The following NREP variants were observed in gnomAD, a reference collection of about 807,000 sequenced individuals.
NREP encodes neuronal regeneration related protein.
A neutral mutation model predicts 8.6 loss-of-function variants in NREP; 5 were observed. The observed-to-expected ratio is 0.58, with a 90% CI of 0.30 to 1.22. NREP has a LOEUF of 1.22. Among genes scored for constraint, NREP ranks in the 50% most tolerant of loss-of-function variants. NREP has a pLI of 0.07. For synonymous variants in NREP, 27 were observed against 28.0 expected (o/e 0.96, Z 0.11); for missense variants, 86 against 82.5 (o/e 1.04, Z -0.17).
chr5:111,770,724 C>T (rs73223658), intron 2 of NREP, among the ~76,000 whole-genome samples: 6,263 of 151,846 alleles, frequency 0.041, 400 homozygotes, highest in African/African-American at 0.14. Context: ...TGCGCGCCAC[C>T]ATGCCCAGCT....
intron 2 of NREP, among the ~76,000 whole-genome samples, chr5:111,747,224 G>T (rs1475636928): frequency 6.6e-6 from 1 of 152,160 alleles, no homozygotes; most frequent in Non-Finnish European, 1.5e-5. Flanking sequence ...TCCCTTGATA[G>T]TCTGAAAGTT....
chr5:111,941,291 C>T (rs1462946808), intron 2 of NREP, among the ~76,000 whole-genome samples: 1 of 152,082 alleles, frequency 6.6e-6, no homozygotes, highest in Non-Finnish European at 1.5e-5. Context: ...CAACATCACA[C>T]CTTTTTGTTT....
At chr5:111,871,950 T>G (rs1435539626) in intron 2 of NREP, among the ~76,000 whole-genome samples, 1 of 149,842 alleles carries the variant, frequency 6.7e-6, no homozygotes, top group African/African-American at 2.4e-5. Flanking sequence ...ATTGGTTCCA[T>G]TAGCATATAT....
intron 2 of NREP, among the ~76,000 whole-genome samples, chr5:111,930,972 T>C (rs1198452094): frequency 6.6e-6 from 1 of 152,152 alleles, no homozygotes; most frequent in Non-Finnish European, 1.5e-5. Context: ...GCCATCATTG[T>C]GCATCTATGT....
chr5:111,899,061 C>T (rs1276299409), intron 2 of NREP, among the ~76,000 whole-genome samples: 1 of 152,154 alleles, frequency 6.6e-6, no homozygotes, highest in African/African-American at 2.4e-5. Context: ...TTCATCATCA[C>T]TAGACCAGCA....
intron 2 of NREP, among the ~76,000 whole-genome samples, chr5:111,837,665 G>A (rs564881604): frequency 1.3e-5 from 2 of 152,062 alleles, no homozygotes; most frequent in African/African-American, 4.8e-5. Flanking sequence ...TATGTGCAAA[G>A]AGTGACAAGA....
chr5:111,851,651 G>A (rs1753312903), intron 2 of NREP, among the ~76,000 whole-genome samples: 1 of 152,074 alleles, frequency 6.6e-6, no homozygotes, highest in Non-Finnish European at 1.5e-5. Context: ...AGGGAAGTTG[G>A]AGATGTTGAT....
chr5:111,838,596 C>T (rs1009874735), intron 2 of NREP, among the ~76,000 whole-genome samples: 1 of 152,084 alleles, frequency 6.6e-6, no homozygotes, highest in Non-Finnish European at 1.5e-5. Flanking sequence ...TGCTTCAAAT[C>T]TATAGCAGCA....
At chr5:111,931,737 A>C (rs1328196559) in intron 2 of NREP, among the ~76,000 whole-genome samples, 1 of 152,210 alleles carries the variant, frequency 6.6e-6, no homozygotes, top group East Asian at 1.9e-4. Flanking sequence ...AGTAATTGAT[A>C]AAATGTTCTA....
chr5:111,882,549 T>G (rs55729967), intron 2 of NREP, among the ~76,000 whole-genome samples: 12,334 of 151,990 alleles, frequency 0.081, 815 homozygotes, highest in East Asian at 0.24. Context: ...AAAGTTGAAA[T>G]GAAGGAAAAA....
At chr5:111,765,559 G>C (rs1319222627) in intron 2 of NREP, among the ~76,000 whole-genome samples, 1 of 152,234 alleles carries the variant, frequency 6.6e-6, no homozygotes, top group African/African-American at 2.4e-5. Flanking sequence ...AACTGAGGTG[G>C]AGAAAGGTTA....
chr5:111,780,117 G>A (rs1051993635), intron 2 of NREP, among the ~76,000 whole-genome samples: 2 of 152,192 alleles, frequency 1.3e-5, no homozygotes, highest in African/African-American at 2.4e-5. Flanking sequence ...GAACACGGGG[G>A]TGGGAATGGG....
intron 2 of NREP, among the ~76,000 whole-genome samples, chr5:111,885,500 A>G (rs1161047256): frequency 1.3e-5 from 2 of 152,214 alleles, no homozygotes; most frequent in Admixed American, 6.5e-5. Flanking sequence ...GGAACCAAAA[A>G]AGAGCCTGCA....
At chr5:111,940,252 G>A (rs756093017) in intron 2 of NREP, 6 of 151,996 alleles carry the variant, frequency 3.9e-5, no homozygotes, top group Non-Finnish European at 7.4e-5. Flanking sequence ...AAAAGACTAC[G>A]AAATACCAAA....
chr5:111,939,434 CT>C (rs751704361), intron 2 of NREP, among the ~76,000 whole-genome samples: 9 of 152,062 alleles, frequency 5.9e-5, no homozygotes, highest in African/African-American at 1.2e-4. Flanking sequence ...ACATTACAGT[CT>C]GGGAAATCCT....
intron 2 of NREP, among the ~76,000 whole-genome samples, chr5:111,772,266 T>C (rs1004761698): frequency 3.9e-5 from 6 of 152,190 alleles, no homozygotes; most frequent in African/African-American, 1.4e-4. Context: ...CCAAGAGCCT[T>C]ATTTTTCCAC....
intron 2 of NREP, among the ~76,000 whole-genome samples, chr5:111,898,307 T>C (rs983530718): frequency 6.6e-6 from 1 of 151,948 alleles, no homozygotes; most frequent in African/African-American, 2.4e-5. Context: ...TCAGAGGTGG[T>C]AAAAAAATTA....
chr5:111,919,891 G>GAAAA (rs1225499652), intron 2 of NREP, among the ~76,000 whole-genome samples: 1,897 of 148,392 alleles, frequency 0.013, 28 homozygotes, highest in South Asian at 0.035. Context: ...AAGAAAGAAA[G>GAAAA]AAAGAAAGAA....
chr5:111,942,850 A>G (rs1305323270), intron 2 of NREP, among the ~76,000 whole-genome samples: 1 of 152,094 alleles, frequency 6.6e-6, no homozygotes, highest in Admixed American at 6.6e-5. Context: ...TAGGCAAGTT[A>G]CTGGAACTGT....
Sources: allele counts gnomAD v4.1 joint callset (sites outside exome capture counted in the v4.1 genomes callset), GRCh38; gene constraint gnomAD v4.1.1; transcripts MANE v1.5; gene names NCBI Gene and HGNC (gene_info 2026-07-23, HGNC 2026-07-21).